Variants in ST6GALNAC3 observed in about 807,000 individuals in gnomAD.
ST6GALNAC3 encodes the protein ST6 N-acetylgalactosaminide alpha-2,6-sialyltransferase 3.
Under a neutral mutation model 32.7 loss-of-function variants are expected in ST6GALNAC3, and 25 were observed. The observed-to-expected ratio is 0.76, with a 90% CI of 0.56 to 1.07. The LOEUF (loss-of-function observed/expected upper bound fraction) is 1.07, where lower values mean the gene tolerates loss of function less well. Among genes scored for constraint, ST6GALNAC3 ranks in the 50% least tolerant of loss-of-function variants. The pLI is 0.00. For missense variants in ST6GALNAC3, 355 were observed against 382.4 expected (o/e 0.93, Z 0.60); for synonymous variants, 129 against 133.1 (o/e 0.97, Z 0.21).
intron 2 of ST6GALNAC3, among the ~76,000 whole-genome samples, chr1:76,409,265 T>G (rs1305619095): frequency 6.6e-6 from 1 of 152,090 alleles, no homozygotes; most frequent in Non-Finnish European, 1.5e-5. Flanking sequence ...TTGAGAAACC[T>G]TACTGTGTTA....
chr1:76,417,731 TC>T (rs1654743824), intron 3 of ST6GALNAC3, among the ~76,000 whole-genome samples: 1 of 152,126 alleles, frequency 6.6e-6, no homozygotes, highest in African/African-American at 2.4e-5. Context: ...AAAGCGATAG[TC>T]CCCATTAAAA....
chr1:76,333,022 G>C (rs1017098490), intron 2 of ST6GALNAC3, among the ~76,000 whole-genome samples: 3 of 152,084 alleles, frequency 2.0e-5, no homozygotes, highest in African/African-American at 7.2e-5. Context: ...CCCCTGAAAG[G>C]CTGGACCCTC....
At chr1:76,408,249 C>T (rs934333228) in intron 2 of ST6GALNAC3, among the ~76,000 whole-genome samples, 2 of 152,046 alleles carry the variant, frequency 1.3e-5, no homozygotes, top group African/African-American at 4.8e-5. Flanking sequence ...TTATCATGTT[C>T]ATCCATGTCT....
chr1:76,099,191 G>T (rs1647179782), intron 1 of ST6GALNAC3, among the ~76,000 whole-genome samples: 1 of 152,056 alleles, frequency 6.6e-6, no homozygotes, highest in African/African-American at 2.4e-5. Context: ...CTTTATTTCT[G>T]ATAGAGCCAA....
chr1:76,169,670 C>T (rs1355806333), intron 1 of ST6GALNAC3, among the ~76,000 whole-genome samples: 3 of 152,132 alleles, frequency 2.0e-5, no homozygotes, highest in Admixed American at 2.0e-4. Context: ...TTATTTTTCT[C>T]TATTCTTGTC....
chr1:76,565,578 G>A (rs950563256), intron 3 of ST6GALNAC3, among the ~76,000 whole-genome samples: 1 of 152,178 alleles, frequency 6.6e-6, no homozygotes, highest in Admixed American at 6.5e-5. Flanking sequence ...GGAAGAAAAG[G>A]TGTCCTTCCT....
In ST6GALNAC3 at chr1:76,620,478, C is replaced by T. The variant is rs184223027; in HGVS notation, c.624-6974C>T. Among the ~76,000 whole-genome samples the T allele has an allele frequency of 2.8e-3, 423 of 152,046 alleles. 4 individuals carry two copies. Among genetic ancestry groups the T allele is most frequent in the African/African-American group, 9.7e-3 (402 of 41,496 alleles). On this transcript the variant is annotated intron_variant, in intron 3 of 4. Transcript: ENST00000328299. ...GCAGAAGTTTATTTTCTCACAGTTT[C>T]GGGAGCTTGAAGTCTAAGATCAGGG...
intron 3 of ST6GALNAC3, among the ~76,000 whole-genome samples, chr1:76,466,085 C>T (rs1011661131): frequency 1.3e-5 from 2 of 152,028 alleles, no homozygotes; most frequent in African/African-American, 4.8e-5. Flanking sequence ...TGTGTCATAA[C>T]AAACATTTCT....
At chr1:76,498,550 T>C (rs534402801) in intron 3 of ST6GALNAC3, among the ~76,000 whole-genome samples, 283 of 152,314 alleles carry the variant, frequency 1.9e-3, no homozygotes, top group Non-Finnish European at 3.2e-3. Context: ...TAGTTGATCC[T>C]GCAAAGCTGC....
intron 3 of ST6GALNAC3, among the ~76,000 whole-genome samples, chr1:76,543,261 CAG>C: frequency 6.6e-6 from 1 of 152,286 alleles, no homozygotes; most frequent in Admixed American, 6.5e-5. Flanking sequence ...ACCACTCACT[CAG>C]GGAAGGTCGG....
In ST6GALNAC3 at chr1:76,631,076, T is replaced by C. The variant is rs1438333228; in HGVS notation, c.*2270T>C. On this transcript the variant is annotated 3_prime_UTR_variant, in exon 5 of 5. Transcript: ENST00000328299. ...GCTTGCTCTCCTGCCTCGTTGTAGC[T>C]TTCTCTGATGAAGACTTCTGCAGTA... is the stretch of plus-strand genomic sequence containing the variant. 1 of 969,686 alleles carries C rather than the reference T, an allele frequency of 1.0e-6. No homozygotes were observed. 60.1% of individuals were successfully genotyped at this position (969,686 alleles called of 1,614,324 possible). A position where few individuals can be genotyped will look rare whatever the true frequency, so the allele number is the denominator to read the frequency against.
chr1:76,424,802 C>A (rs1036708763), intron 3 of ST6GALNAC3, among the ~76,000 whole-genome samples: 1 of 151,922 alleles, frequency 6.6e-6, no homozygotes, highest in African/African-American at 2.4e-5. Context: ...CAAGTTTGGG[C>A]AAATCAGTGT....
chr1:76,255,344 A>T (rs1480498776), intron 1 of ST6GALNAC3, among the ~76,000 whole-genome samples: 1 of 152,158 alleles, frequency 6.6e-6, no homozygotes. Flanking sequence ...ATTTTGTAGA[A>T]AAAGCAATGC....
chr1:76,467,140 C>G (rs1658689383), intron 3 of ST6GALNAC3, among the ~76,000 whole-genome samples: 1 of 151,970 alleles, frequency 6.6e-6, no homozygotes, highest in Non-Finnish European at 1.5e-5. Flanking sequence ...AAGAGAGAGA[C>G]ATTCTTCCAG....
At chr1:76,307,752 G>A (rs1661146538) in intron 1 of ST6GALNAC3, among the ~76,000 whole-genome samples, 2 of 151,966 alleles carry the variant, frequency 1.3e-5, no homozygotes, top group South Asian at 4.1e-4. Context: ...TTTATTTTGT[G>A]GTTAAAGACT....
At chr1:76,582,462 T>C (rs1369368491) in intron 3 of ST6GALNAC3, among the ~76,000 whole-genome samples, 1 of 152,100 alleles carries the variant, frequency 6.6e-6, no homozygotes, top group East Asian at 1.9e-4. Context: ...CTTAATTAAT[T>C]AAAGCAATTA....
intron 2 of ST6GALNAC3, among the ~76,000 whole-genome samples, chr1:76,321,808 T>A (rs987381900): frequency 6.6e-6 from 1 of 152,220 alleles, no homozygotes; most frequent in Non-Finnish European, 1.5e-5. Flanking sequence ...CAAGACTGAC[T>A]ACTACCTGAA....
intron 3 of ST6GALNAC3, among the ~76,000 whole-genome samples, chr1:76,567,354 C>T (rs1665613449): frequency 6.6e-6 from 1 of 151,934 alleles, no homozygotes; most frequent in South Asian, 2.1e-4. Context: ...ATATAACTGG[C>T]AAAGTAAGGT....
At chr1:76,459,891 GTTGATAGATGT>G (rs1296488331) in intron 3 of ST6GALNAC3, among the ~76,000 whole-genome samples, 1 of 152,132 alleles carries the variant, frequency 6.6e-6, no homozygotes, top group Non-Finnish European at 1.5e-5. Context: ...TCAATCATCA[GTTGATAGATGT>G]TTGATGATTT....
Sources: allele counts gnomAD v4.1 joint callset (sites outside exome capture counted in the v4.1 genomes callset), GRCh38; gene constraint gnomAD v4.1.1; transcripts MANE v1.5; gene names NCBI Gene and HGNC (gene_info 2026-07-23, HGNC 2026-07-21).